CSTPP1: variants seen among roughly 807,000 people sequenced by gnomAD.
CSTPP1 encodes the protein UPF0705 protein C11orf49.
chr11:47,137,391 C>T, the CSTPP1 span: 1 of 1,496,114 alleles, frequency 6.7e-7, no homozygotes, highest in African/African-American at 1.4e-5. Context: ...TTCACCCGAC[C>T]AATTTTCATA....
chr11:47,143,698 C>A, the CSTPP1 span, among the ~76,000 whole-genome samples: 20 of 152,236 alleles, frequency 1.3e-4, no homozygotes, highest in Non-Finnish European at 2.5e-4. Context: ...ATCTCCCACT[C>A]CCCATCCTCC....
chr11:47,019,302 C>T, the CSTPP1 span, among the ~76,000 whole-genome samples: 1 of 152,320 alleles, frequency 6.6e-6, no homozygotes, highest in Middle Eastern at 3.4e-3. Context: ...TGAGCCACCG[C>T]ACCTGGCCTG....
the CSTPP1 span, among the ~76,000 whole-genome samples, chr11:47,034,849 G>T: frequency 6.6e-6 from 1 of 152,122 alleles, no homozygotes; most frequent in Admixed American, 6.5e-5. Flanking sequence ...CTGCCTCTTG[G>T]TTGGCAGATG....
chr11:46,998,843 C>T, the CSTPP1 span, among the ~76,000 whole-genome samples: 1 of 152,158 alleles, frequency 6.6e-6, no homozygotes, highest in Non-Finnish European at 1.5e-5. Flanking sequence ...TCACGACATT[C>T]TCCCGCCTCA....
the CSTPP1 span, among the ~76,000 whole-genome samples, chr11:46,950,209 T>C: frequency 6.7e-6 from 1 of 149,830 alleles, no homozygotes; most frequent in African/African-American, 2.5e-5. Context: ...AGTCTCGCTC[T>C]GTCGCCCAGG....
At chr11:47,018,161 T>C in the CSTPP1 span, among the ~76,000 whole-genome samples, 9 of 152,208 alleles carry the variant, frequency 5.9e-5, no homozygotes, top group Non-Finnish European at 1.0e-4. Context: ...TTTCCCCCAA[T>C]TGGCAATTAT....
At chr11:47,124,124 T>TTC in the CSTPP1 span, among the ~76,000 whole-genome samples, 2 of 115,794 alleles carry the variant, frequency 1.7e-5, no homozygotes, top group Admixed American at 8.8e-5. Context: ...CTTTTTTTTT[T>TTC]TTTTTTTTTT....
the CSTPP1 span, among the ~76,000 whole-genome samples, chr11:47,026,903 AG>A: frequency 6.6e-6 from 1 of 152,150 alleles, no homozygotes; most frequent in African/African-American, 2.4e-5. Flanking sequence ...AAATAAATGA[AG>A]TAGCTAAAAT....
At chr11:47,106,999 T>C in the CSTPP1 span, among the ~76,000 whole-genome samples, 1 of 152,168 alleles carries the variant, frequency 6.6e-6, no homozygotes, top group Non-Finnish European at 1.5e-5. Flanking sequence ...GCACCCTGGG[T>C]TTGGCCTGAG....
At chr11:47,106,859 G>A in the CSTPP1 span, among the ~76,000 whole-genome samples, 1 of 152,094 alleles carries the variant, frequency 6.6e-6, no homozygotes, top group African/African-American at 2.4e-5. Flanking sequence ...TGTCAACTTG[G>A]CTCAGAAAGA....
the CSTPP1 span, among the ~76,000 whole-genome samples, chr11:47,121,442 A>C: frequency 6.6e-6 from 1 of 152,316 alleles, no homozygotes; most frequent in Non-Finnish European, 1.5e-5. Context: ...AATTGACTAG[A>C]TATTACTGTG....
chr11:47,161,779 G>C, the CSTPP1 span: 12 of 1,420,432 alleles, frequency 8.4e-6, no homozygotes, highest in African/African-American at 1.7e-4. Flanking sequence ...AGACCAGCCA[G>C]AGGGGCTCTG....
the CSTPP1 span, among the ~76,000 whole-genome samples, chr11:47,027,379 G>T: frequency 6.6e-6 from 1 of 152,108 alleles, no homozygotes; most frequent in Non-Finnish European, 1.5e-5. Context: ...AAGATCCAAT[G>T]GGGGGAAGAG....
At chr11:46,997,791 C>T in the CSTPP1 span, among the ~76,000 whole-genome samples, 3 of 152,226 alleles carry the variant, frequency 2.0e-5, no homozygotes, top group Non-Finnish European at 4.4e-5. Flanking sequence ...ACAGGACCCT[C>T]AGCTGCAGGT....
the CSTPP1 span, among the ~76,000 whole-genome samples, chr11:47,127,976 A>C: frequency 5.9e-5 from 9 of 152,004 alleles, no homozygotes; most frequent in Admixed American, 5.9e-4. Context: ...TCCCAGGTTC[A>C]AGCAGTTCTC....
At chr11:47,148,873 A>G in the CSTPP1 span, among the ~76,000 whole-genome samples, 1 of 152,158 alleles carries the variant, frequency 6.6e-6, no homozygotes, top group Non-Finnish European at 1.5e-5. Context: ...CTAGGACTTA[A>G]TCCTGGGGTC....
At chr11:47,055,595 G>T in the CSTPP1 span, among the ~76,000 whole-genome samples, 1 of 152,072 alleles carries the variant, frequency 6.6e-6, no homozygotes, top group Admixed American at 6.6e-5. Context: ...ACTGCCCTAA[G>T]AAATAGGTAA....
At chr11:47,145,469 G>C in the CSTPP1 span, among the ~76,000 whole-genome samples, 3 of 152,038 alleles carry the variant, frequency 2.0e-5, no homozygotes, top group Admixed American at 6.5e-5. Context: ...AATTAGTCGG[G>C]TGGGGTGGCA....
chr11:46,995,650 T>A, the CSTPP1 span, among the ~76,000 whole-genome samples: 1 of 152,224 alleles, frequency 6.6e-6, no homozygotes, highest in South Asian at 2.1e-4. Context: ...GACAGTTTGT[T>A]ATAATTTCTG....
Sources: allele counts gnomAD v4.1 joint callset (sites outside exome capture counted in the v4.1 genomes callset), GRCh38; gene constraint gnomAD v4.1.1; transcripts MANE v1.5; gene names NCBI Gene and HGNC (gene_info 2026-07-23, HGNC 2026-07-21).